CA9: variants seen among roughly 807,000 people sequenced by gnomAD.
The protein encoded by CA9 is carbonic anhydrase 9, also known as CA-IX.
Under a neutral mutation model 51.8 loss-of-function variants are expected in CA9, and 43 were observed. That is an observed-to-expected ratio of 0.83 (90% CI 0.65 to 1.07). CA9 has a LOEUF of 1.07. Ranked by LOEUF, CA9 falls within the 50% of genes least tolerant of loss-of-function variation. CA9 has a pLI of 0.00. For missense variants in CA9, 574 were observed against 581.4 expected (o/e 0.99, Z 0.13); for synonymous variants, 253 against 244.2 (o/e 1.04, Z -0.34).
Position 35,680,848 on chromosome 9 carries a change from C to T in CA9, c.1319+14C>T, listed in dbSNP as rs200818200. On this transcript the variant is annotated intron_variant, in intron 10 of 10. Coordinates refer to ENST00000378357, the MANE Select transcript of CA9 (RefSeq NM_001216.3). ...AAGGCAGCACAGGTATTACACTGAC[C>T]CTTTCTTCAGGCACAAGCTTCCCCC... 2 of 1,613,674 alleles carry T rather than the reference C, an allele frequency of 1.2e-6. No homozygotes were observed. Among genetic ancestry groups the T allele is most frequent in the African/African-American group, 1.3e-5 (1 of 75,048 alleles).
In CA9 at chr9:35,674,425, C is replaced by T; in HGVS notation, c.403+63C>T. ...GGTTCATGACTCCCCTCCCATACCCCAGCCTAGGCTCTGTTCACTCAGGGA... is the reference window on the plus strand; with the variant it reads ...GGTTCATGACTCCCCTCCCATACCCTAGCCTAGGCTCTGTTCACTCAGGGA... On this transcript the variant is annotated intron_variant, in intron 1 of 10. Coordinates refer to ENST00000378357, the MANE Select transcript of CA9 (RefSeq NM_001216.3). 2.7e-6 allele frequency: 4 copies of T among 1,484,306 alleles called. No homozygotes were observed. The South Asian group carries it at 5.2e-5, about 19-fold the overall frequency. The allele number at this position is 1,484,306 out of a possible 1,614,324, so 91.9% of individuals were successfully genotyped here. A position where few individuals can be genotyped will look rare whatever the true frequency, so the allele number is the denominator to read the frequency against.
At position 35,677,792 on chromosome 9, in the gene CA9, G is replaced by C; in HGVS notation, c.843G>C (p.Glu281Asp). The C allele has an allele frequency of 6.2e-7, 1 of 1,613,898 alleles. No homozygotes were observed. Among genetic ancestry groups the C allele is most frequent in the East Asian group, 2.2e-5 (1 of 44,890 alleles). Reference sequence around the variant, plus strand: ...TGTCTTACAATGTCATCCCCCAGGAGGGCCCGGAAGAAAACAGTGCCTATG... The same window carrying C: ...TGTCTTACAATGTCATCCCCCAGGACGGCCCGGAAGAAAACAGTGCCTATG... ...GLAVLAAFLE[E>D]GPEENSAYEQ... The change falls in exon 6 of 11, where the codon GAG becomes GAC. Residue 281 changes from glutamate to aspartate, a missense_variant and splice_region_variant. Transcript: ENST00000378357.
rs1400211857 is a variant in CA9, at chr9:35,675,917, A to G, written c.590A>G (p.Asn197Ser). The G allele has an allele frequency of 1.9e-6, 3 of 1,607,404 alleles. No individual in the cohort carries two copies. Among genetic ancestry groups the G allele is most frequent in the Non-Finnish European group, 2.5e-6 (3 of 1,177,834 alleles). Residue 197 changes from asparagine to serine, a missense_variant, in exon 3 of 11, where the codon AAC becomes AGC. Coordinates refer to ENST00000378357, the MANE Select transcript of CA9 (RefSeq NM_001216.3). ...CCGCTCCCAGAACTGCGCCTGCGCA[A>G]CAATGGCCACAGTGGTGAGGGGGTC... The part of the protein sequence containing the change: ...LPPLPELRLR[N>S]NGHSVQLTLP...
chr9:35,680,513 C>T (rs1191205943), intron 9 of CA9, among the ~76,000 whole-genome samples: 1 of 152,182 alleles, frequency 6.6e-6, no homozygotes, highest in African/African-American at 2.4e-5. Flanking sequence ...TAGGCATGAG[C>T]CACTGTGCCT....
In CA9 at chr9:35,675,912, G is replaced by A. The variant is rs1489431570; in HGVS notation, c.585G>A (p.Leu195=). Residue 195 remains leucine (L), a synonymous_variant, in exon 3 of 11, where the codon CTG becomes CTA. Transcript: ENST00000378357. Reference sequence around the variant, plus strand: ...TCCCGCCGCTCCCAGAACTGCGCCTGCGCAACAATGGCCACAGTGGTGAGG... The same window carrying A: ...TCCCGCCGCTCCCAGAACTGCGCCTACGCAACAATGGCCACAGTGGTGAGG... ...FQLPPLPELR[L]RNNGHSVQLT... 1.2e-6 allele frequency: 2 copies of A among 1,608,256 alleles called. No individual in the cohort carries two copies. Among genetic ancestry groups the A allele is most frequent in the East Asian group, 4.5e-5 (2 of 44,836 alleles).
rs369975036 is a variant in CA9 at position 35,679,749 on chromosome 9, A to G, written c.1066-105A>G. On this transcript the variant is annotated intron_variant, in intron 7 of 10. Transcript: ENST00000378357. Reference sequence around the variant, plus strand: ...AATCAAGAGGCTGGATGGGGAATACAGGAGCTGGAGGGTGGAGCCCTGAGG... The same window carrying G: ...AATCAAGAGGCTGGATGGGGAATACGGGAGCTGGAGGGTGGAGCCCTGAGG... The G allele has an allele frequency of 5.4e-5, 58 of 1,064,556 alleles. No individual in the cohort carries two copies. In the African/African-American group the frequency reaches 8.0e-4, roughly 15 times the overall value. The allele number at this position is 1,064,556 out of a possible 1,614,324, so 65.9% of individuals were successfully genotyped here. A position where few individuals can be genotyped will look rare whatever the true frequency, so the allele number is the denominator to read the frequency against.
chr9:35,676,301 A>T lies in CA9; in HGVS notation c.752A>T (p.His251Leu). The change falls in exon 5 of 11, where the codon CAC becomes CTC. Residue 251 changes from histidine to leucine, a missense_variant. By Grantham distance (99) the His-to-Leu change is moderately conservative. Coordinates refer to ENST00000378357, the MANE Select transcript of CA9 (RefSeq NM_001216.3). ...CTACCCTCGTGTCCTTTTCAGATCC[A>T]CGTGGTTCACCTCAGCACCGCCTTT... ...VEGHRFPAEI[H>L]VVHLSTAFAR... The T allele has an allele frequency of 6.2e-7, 1 of 1,614,100 alleles. No individual in the cohort carries two copies. The highest frequency in any genetic ancestry group is 8.5e-7 in the Non-Finnish European group (1 of 1,180,014).
intron 6 of CA9, among the ~76,000 whole-genome samples, chr9:35,678,695 C>CTTTTTTTTTTTTTTT (rs746454806): frequency 1.2e-4 from 15 of 129,870 alleles, no homozygotes; most frequent in Non-Finnish European, 1.8e-4. Flanking sequence ...TTTTTCTTTT[C>CTTTTTTTTTTTTTTT]TTTTCTTTTT....
chr9:35,676,246 G>T, intron 4 of CA9, 40 bp downstream of exon 4: 3 of 1,613,402 alleles, frequency 1.9e-6, no homozygotes, highest in Non-Finnish European at 2.5e-6. Flanking sequence ...AAGGAGCGGG[G>T]CGGAGCGGGG....
At position 35,675,775 on chromosome 9, in the gene CA9, C is replaced by G. The variant is rs748045414; in HGVS notation, c.448C>G (p.Pro150Ala). 4 of 1,602,002 alleles carry G rather than the reference C, an allele frequency of 2.5e-6. No individual in the cohort carries two copies. The highest frequency in any genetic ancestry group is 2.5e-6 in the Non-Finnish European group (3 of 1,178,702). Residue 150 changes from proline (P) to alanine (A), a missense_variant, in exon 3 of 11, where the codon CCC (proline) becomes GCC (alanine). Physicochemically the swap from Pro to Ala is conservative, Grantham distance 27. Transcript: ENST00000378357. ...TCCCACCCCAGGCGACCCGCCCTGG[C>G]CCCGGGTGTCCCCAGCCTGCGCGGG... ...HWRYGGDPPW[P>A]RVSPACAGRF...
intron 6 of CA9, among the ~76,000 whole-genome samples, chr9:35,678,848 A>G (rs528693840): frequency 3.9e-5 from 6 of 151,994 alleles, no homozygotes; most frequent in African/African-American, 1.4e-4. Context: ...CTGGGCTTAA[A>G]CTTGTGGCCC....
Position 35,680,790 on chromosome 9 carries a change from T to C in CA9, c.1275T>C (p.Ala425=), listed in dbSNP as rs1341422889. ...ILALVFGLLF[A]VTSVAFLVQM... is the part of the protein sequence containing the mutation. ...CCCTGGTTTTTGGCCTCCTTTTTGC[T>C]GTCACCAGCGTCGCGTTCCTTGTGC... is the stretch of plus-strand genomic sequence containing the variant. The change falls in exon 10 of 11, where the codon GCT becomes GCC. Residue 425 remains alanine, a synonymous_variant. Coordinates refer to ENST00000378357, the MANE Select transcript of CA9 (RefSeq NM_001216.3). 1 of 1,614,242 alleles carries C rather than the reference T, an allele frequency of 6.2e-7. No homozygotes were observed.
chr9:35,678,109 G>A (rs1039537260), intron 6 of CA9, among the ~76,000 whole-genome samples: 1 of 152,060 alleles, frequency 6.6e-6, no homozygotes, highest in African/African-American at 2.4e-5. Flanking sequence ...CACTTTGGGA[G>A]GCCAAGGCAG....
At position 35,674,246 on chromosome 9, in the gene CA9, C is replaced by G. The variant is rs1352931558; in HGVS notation, c.287C>G (p.Pro96Arg). Residue 96 changes from proline to arginine, a missense_variant, in exon 1 of 11, where the codon CCT becomes CGT. Physicochemically the swap from Pro to Arg is moderately radical, Grantham distance 103. Transcript: ENST00000378357. The stretch of plus-strand genomic sequence containing the variant: ...GATCTACCTGGAGAGGAGGATCTAC[C>G]TGAAGTTAAGCCTAAATCAGAAGAA... ...EEDLPGEEDL[P>R]EVKPKSEEEG... is the part of the protein sequence containing the mutation. 2 of 1,613,994 alleles carry G rather than the reference C, an allele frequency of 1.2e-6. No homozygotes were observed. The highest frequency in any genetic ancestry group is 1.7e-6 in the Non-Finnish European group (2 of 1,180,020).
chr9:35,679,654 G>A (rs1343994734), intron 7 of CA9, among the ~76,000 whole-genome samples, 200 bp from the exon 8 acceptor site: 4 of 152,194 alleles, frequency 2.6e-5, no homozygotes, highest in Non-Finnish European at 5.9e-5. Context: ...CCAGGAGTTT[G>A]AGACTGCAGT....
At chr9:35,680,915 C>G in intron 10 of CA9, 50 bp from the exon 11 acceptor site, 1 of 1,610,740 alleles carries the variant, frequency 6.2e-7, no homozygotes, top group South Asian at 1.1e-5. Context: ...TGCAAATGAG[C>G]TGCTCCTGGG....
chr9:35,677,775 A>G lies in CA9; in HGVS notation c.841-15A>G. 2 of 1,612,092 alleles carry G rather than the reference A, an allele frequency of 1.2e-6. No individual in the cohort carries two copies. Among genetic ancestry groups the G allele is most frequent in the African/African-American group, 1.3e-5 (1 of 75,028 alleles). On this transcript the variant is annotated splice_polypyrimidine_tract_variant and intron_variant, in intron 5 of 10. Transcript: ENST00000378357. ...GGATACATGCACTCATCTGTCTTAC[A>G]ATGTCATCCCCCAGGAGGGCCCGGA...
chr9:35,679,405 G>C, intron 7 of CA9, 63 bp downstream of exon 7: 1 of 1,546,338 alleles, frequency 6.5e-7, no homozygotes, highest in Non-Finnish European at 8.8e-7. Flanking sequence ...GATGAGATGA[G>C]AAACAGGAGA....
chr9:35,675,599 C>T, intron 2 of CA9, 32 bp downstream of exon 2: 1 of 1,613,332 alleles, frequency 6.2e-7, no homozygotes, highest in South Asian at 1.1e-5. Flanking sequence ...CAGACCCAAT[C>T]TGGGAACCCA....
Sources: gnomAD v4.1 joint callset for allele counts (sites outside exome capture counted in the v4.1 genomes callset) on GRCh38, gnomAD v4.1.1 for gene constraint, MANE v1.5 for transcripts, NCBI Gene and HGNC (gene_info 2026-07-23, HGNC 2026-07-21) for gene names.